CFAP299: variants seen among roughly 807,000 people sequenced by gnomAD.
The protein encoded by CFAP299 is cilia- and flagella-associated protein 299.
A neutral mutation model predicts 27.0 loss-of-function variants in CFAP299; 21 were observed. The observed-to-expected ratio is 0.78, with a 90% confidence interval of 0.55 to 1.12. The LOEUF (loss-of-function observed/expected upper bound fraction) is 1.12, where lower values mean the gene tolerates loss of function less well. Ranked by LOEUF, CFAP299 falls within the 50% of genes most tolerant of loss-of-function variation. CFAP299 has a pLI of 0.00. For synonymous variants in CFAP299, 104 were observed against 98.1 expected (o/e 1.06, Z -0.36); for missense variants, 310 against 276.6 (o/e 1.12, Z -0.86).
chr4:80,861,989 C>T (rs1489610842), intron 3 of CFAP299, among the ~76,000 whole-genome samples: 1 of 152,068 alleles, frequency 6.6e-6, no homozygotes, highest in African/African-American at 2.4e-5. Context: ...TAAGAATTTT[C>T]AATCCCTGGA....
intron 4 of CFAP299, among the ~76,000 whole-genome samples, chr4:80,882,489 T>TTAGCC (rs1471379864): frequency 6.6e-6 from 1 of 151,742 alleles, no homozygotes; most frequent in African/African-American, 2.4e-5. Context: ...GTACAAAAAA[T>TTAGCC]TAGCCGGGCG....
intron 3 of CFAP299, among the ~76,000 whole-genome samples, chr4:80,830,990 G>C (rs76303828): frequency 0.012 from 1,855 of 152,158 alleles, 37 homozygotes; most frequent in African/African-American, 0.04. Flanking sequence ...TTTTAGAAAT[G>C]TTGGCTAACA....
chr4:80,336,057 C>T (rs978358582), intron 1 of CFAP299, among the ~76,000 whole-genome samples, 178 bp downstream of exon 1: 3 of 152,212 alleles, frequency 2.0e-5, no homozygotes, highest in Non-Finnish European at 2.9e-5. Flanking sequence ...CTTACCGCCC[C>T]GCGCTCCCCG....
chr4:80,392,585 T>C, intron 2 of CFAP299, among the ~76,000 whole-genome samples: 1 of 152,170 alleles, frequency 6.6e-6, no homozygotes, highest in East Asian at 1.9e-4. Context: ...TTCTCCTTGC[T>C]GCCGTCATGT....
chr4:80,328,365 A>T, the CFAP299 span, among the ~76,000 whole-genome samples: 1 of 152,166 alleles, frequency 6.6e-6, no homozygotes, highest in African/African-American at 2.4e-5. Context: ...GCAGGATGAA[A>T]TCCTTGAGAA....
At chr4:80,837,668 C>A (rs1329493763) in intron 3 of CFAP299, among the ~76,000 whole-genome samples, 1 of 152,182 alleles carries the variant, frequency 6.6e-6, no homozygotes, top group Non-Finnish European at 1.5e-5. Context: ...GCCACATTTT[C>A]TTTATCCAGT....
chr4:80,437,995 G>C (rs894025023), intron 2 of CFAP299, among the ~76,000 whole-genome samples: 10 of 152,084 alleles, frequency 6.6e-5, no homozygotes, highest in African/African-American at 2.4e-4. Flanking sequence ...GTCTTAGGCA[G>C]TCTTGTAAGC....
At chr4:80,595,540 A>G (rs1356717432) in intron 3 of CFAP299, among the ~76,000 whole-genome samples, 10 of 152,156 alleles carry the variant, frequency 6.6e-5, no homozygotes, top group Admixed American at 6.5e-4. Context: ...GCTCTTTGAT[A>G]GGCCAGTTCT....
In CFAP299 at chr4:80,887,461, T is replaced by C. The variant is rs1226223099; in HGVS notation, c.476+17326T>C. ...AAGTGCTGAAAGAAAAAAAATACCC[T>C]TGAAGAGTATAGCTGGTGAAAATAT... On this transcript the variant is annotated intron_variant, in intron 4 of 5. Transcript: ENST00000358105. 3.9e-5 allele frequency among the ~76,000 whole-genome samples: 6 copies of C among 151,964 alleles called. No individual in the cohort carries two copies. The East Asian group carries it at 1.2e-3, about 29-fold the overall frequency.
chr4:80,910,477 G>C (rs1578231890), intron 4 of CFAP299, among the ~76,000 whole-genome samples: 2 of 152,118 alleles, frequency 1.3e-5, no homozygotes, highest in East Asian at 3.8e-4. Flanking sequence ...ATATACCATG[G>C]AATACTATGT....
chr4:80,887,092 C>T lies in CFAP299; in HGVS notation c.476+16957C>T, dbSNP rs193130941. On this transcript the variant is annotated intron_variant, in intron 4 of 5. Transcript: ENST00000358105. ...ATACCCATGGAATCTAGAAAATAGCCCCAAAAGGGTAAATCTAAGAATTAT... is the reference window on the plus strand; with the variant it reads ...ATACCCATGGAATCTAGAAAATAGCTCCAAAAGGGTAAATCTAAGAATTAT... 2.7e-3 allele frequency among the ~76,000 whole-genome samples: 411 copies of T among 151,832 alleles called. 5 individuals carry two copies. The highest frequency in any genetic ancestry group is 9.3e-3 in the African/African-American group (385 of 41,400).
intron 4 of CFAP299, among the ~76,000 whole-genome samples, chr4:80,931,705 A>G (rs1415198842): frequency 2.6e-5 from 4 of 151,940 alleles, no homozygotes; most frequent in South Asian, 2.1e-4. Context: ...TGGTTTAGCT[A>G]ATTTTAACAT....
intron 2 of CFAP299, among the ~76,000 whole-genome samples, chr4:80,384,107 G>A (rs1335051033): frequency 6.6e-6 from 1 of 151,898 alleles, no homozygotes; most frequent in Non-Finnish European, 1.5e-5. Context: ...TCCCAGCATT[G>A]TTTTCATTTT....
At chr4:80,860,705 G>T (rs1488922267) in intron 3 of CFAP299, among the ~76,000 whole-genome samples, 1 of 152,142 alleles carries the variant, frequency 6.6e-6, no homozygotes, top group Non-Finnish European at 1.5e-5. Context: ...TATCAGCAGC[G>T]GTGTCTGCAG....
intron 3 of CFAP299, among the ~76,000 whole-genome samples, chr4:80,605,160 A>G (rs1737589026): frequency 6.6e-6 from 1 of 152,198 alleles, no homozygotes; most frequent in Admixed American, 6.5e-5. Context: ...TTGTAATTCT[A>G]CTTGCAGTCA....
the CFAP299 span, among the ~76,000 whole-genome samples, chr4:80,322,927 G>A: frequency 6.6e-6 from 1 of 152,114 alleles, no homozygotes; most frequent in Non-Finnish European, 1.5e-5. Flanking sequence ...TTCTCTGTCT[G>A]GGGAGACTCA....
chr4:80,617,561 T>A (rs1036744346), intron 3 of CFAP299, among the ~76,000 whole-genome samples: 9 of 152,152 alleles, frequency 5.9e-5, no homozygotes, highest in Admixed American at 2.0e-4. Context: ...TAGAGGGGAA[T>A]GTTCTTCTCA....
At chr4:80,774,105 A>G (rs567203422) in intron 3 of CFAP299, among the ~76,000 whole-genome samples, 1 of 151,940 alleles carries the variant, frequency 6.6e-6, no homozygotes, top group Non-Finnish European at 1.5e-5. Flanking sequence ...GATTTTCCCA[A>G]TGTATGAAAA....
At chr4:80,388,476 G>A (rs1725147369) in intron 2 of CFAP299, 13 of 1,170,302 alleles carry the variant, frequency 1.1e-5, no homozygotes, top group Middle Eastern at 4.0e-4. Flanking sequence ...TCCAGGTCGG[G>A]GGCATTTCTT....
Sources: allele counts gnomAD v4.1 joint callset (sites outside exome capture counted in the v4.1 genomes callset), GRCh38; gene constraint gnomAD v4.1.1; transcripts MANE v1.5; gene names NCBI Gene and HGNC (gene_info 2026-07-23, HGNC 2026-07-21).